Variants in MAP2K4 observed in about 807,000 individuals in gnomAD.
MAP2K4 encodes the protein mitogen-activated protein kinase kinase 4.
MAP2K4 carries 4 observed loss-of-function variants against 48.5 expected under a neutral mutation model. That is an observed-to-expected ratio of 0.08 (90% CI 0.04 to 0.19). The LOEUF (loss-of-function observed/expected upper bound fraction) is 0.19. Among genes scored for constraint, MAP2K4 ranks in the 10% least tolerant of loss-of-function variants. MAP2K4 has a pLI of 1.00. For synonymous variants in MAP2K4, 166 were observed against 173.1 expected (o/e 0.96, Z 0.32); for missense variants, 258 against 493.3 (o/e 0.52, Z 4.52).
At chr17:12,137,768 C>T (rs950708669) in intron 9 of MAP2K4, among the ~76,000 whole-genome samples, 6 of 151,852 alleles carry the variant, frequency 4.0e-5, no homozygotes. Context: ...GTCTCTTTAT[C>T]ATGTAGGATA....
At chr17:12,066,462 CACTTAGTA>C (rs1363225268) in intron 2 of MAP2K4, among the ~76,000 whole-genome samples, 1 of 152,070 alleles carries the variant, frequency 6.6e-6, no homozygotes, top group Non-Finnish European at 1.5e-5. Flanking sequence ...ATTTTTTATT[CACTTAGTA>C]ACTTAGTACA....
chr17:12,128,079 C>T (rs1268300615), intron 8 of MAP2K4, among the ~76,000 whole-genome samples: 1 of 152,104 alleles, frequency 6.6e-6, no homozygotes, highest in Non-Finnish European at 1.5e-5. Flanking sequence ...TGTAGGTTTT[C>T]TTTTCTTTTG....
intron 1 of MAP2K4, among the ~76,000 whole-genome samples, chr17:12,038,862 C>G (rs1205899166): frequency 6.6e-6 from 1 of 152,042 alleles, no homozygotes; most frequent in Non-Finnish European, 1.5e-5. Context: ...CGTTGTAAAC[C>G]TTAGTGTTTT....
chr17:12,083,126 T>C (rs1254374535), intron 3 of MAP2K4, among the ~76,000 whole-genome samples: 1 of 152,252 alleles, frequency 6.6e-6, no homozygotes, highest in African/African-American at 2.4e-5. Flanking sequence ...GTTTGTGTTA[T>C]GTGTGCTTCA....
chr17:12,086,826 T>TTTTTG (rs61021597), intron 3 of MAP2K4, among the ~76,000 whole-genome samples: 10,160 of 150,208 alleles, frequency 0.068, 913 homozygotes, highest in African/African-American at 0.2. Context: ...AAAAACCTGT[T>TTTTTG]TTTTGTTTTG....
At chr17:12,079,971 A>G (rs1971136353) in intron 2 of MAP2K4, among the ~76,000 whole-genome samples, 1 of 152,200 alleles carries the variant, frequency 6.6e-6, no homozygotes, top group Admixed American at 6.5e-5. Context: ...AGGACTTTGA[A>G]CTGAAAAGCA....
At position 12,143,248 on chromosome 17, in the gene MAP2K4, A is replaced by G. The variant is rs1215388789; in HGVS notation, c.*1988A>G. 3 of 233,048 alleles carry G rather than the reference A, an allele frequency of 1.3e-5. No individual in the cohort carries two copies. The highest frequency in any genetic ancestry group is 1.7e-5 in the Non-Finnish European group (2 of 117,606). 14.4% of individuals were successfully genotyped at this position (233,048 alleles called of 1,614,324 possible). ...TGGCTCAGCATAGGGTCACTTTGCC[A>G]TTATGCAAATGGAGATAAAAGCAAT... On this transcript the variant is annotated 3_prime_UTR_variant, in exon 11 of 11. Coordinates refer to ENST00000353533, the MANE Select transcript of MAP2K4 (RefSeq NM_003010.4).
At chr17:12,021,048 C>T in intron 1 of MAP2K4, 47 bp downstream of exon 1, 3 of 1,126,760 alleles carry the variant, frequency 2.7e-6, no homozygotes, top group Non-Finnish European at 3.3e-6. Flanking sequence ...AGCGCGGCAA[C>T]CCGCGTCGTC....
In MAP2K4 at chr17:12,143,765, C is replaced by G. The variant is rs539463944; in HGVS notation, c.*2505C>G. On this transcript the variant is annotated 3_prime_UTR_variant, in exon 11 of 11. Transcript: ENST00000353533. ...TAATTTGATTTTCTGAAATCAGACC[C>G]TGAGAGGGGAAAATCTTAAAGTAAA... 3 of 229,896 alleles carry G rather than the reference C, an allele frequency of 1.3e-5. No homozygotes were observed. In the East Asian group the frequency reaches 1.9e-4, roughly 14 times the overall value. 14.2% of individuals were successfully genotyped at this position (229,896 alleles called of 1,614,324 possible). A position where few individuals can be genotyped will look rare whatever the true frequency, so the allele number is the denominator to read the frequency against.
intron 7 of MAP2K4, among the ~76,000 whole-genome samples, chr17:12,116,599 C>G (rs1314751757): frequency 6.6e-6 from 1 of 152,116 alleles, no homozygotes; most frequent in Non-Finnish European, 1.5e-5. Context: ...TTCCGTAAGG[C>G]TATTCTGTTT....
At chr17:12,065,258 A>ATTAT (rs1555545189) in intron 2 of MAP2K4, among the ~76,000 whole-genome samples, 22 of 136,214 alleles carry the variant, frequency 1.6e-4, no homozygotes, top group Admixed American at 8.2e-4. Context: ...ATATATACAT[A>ATTAT]TATTATTATT....
chr17:12,135,479 GCC>G (rs1973175016), intron 9 of MAP2K4, among the ~76,000 whole-genome samples: 1 of 152,238 alleles, frequency 6.6e-6, no homozygotes, highest in Non-Finnish European at 1.5e-5. Context: ...CGATCCTCCT[GCC>G]TCGGCTTCCC....
intron 2 of MAP2K4, among the ~76,000 whole-genome samples, chr17:12,065,400 G>A (rs1970584859): frequency 6.6e-6 from 1 of 151,252 alleles, no homozygotes; most frequent in Non-Finnish European, 1.5e-5. Context: ...CTGGGTTGAA[G>A]TGATTCTCCT....
At chr17:12,048,758 G>A (rs960228073) in intron 1 of MAP2K4, among the ~76,000 whole-genome samples, 3 of 152,108 alleles carry the variant, frequency 2.0e-5, no homozygotes, top group African/African-American at 7.2e-5. Context: ...CTGGGTTCAA[G>A]CGATTCCATT....
chr17:12,021,101 C>A, intron 1 of MAP2K4, 100 bp downstream of exon 1: 1 of 644,366 alleles, frequency 1.6e-6, no homozygotes. Flanking sequence ...GCTGAGGAAG[C>A]CACGGCAGCC....
Position 12,054,952 on chromosome 17 carries a change from C to T in MAP2K4, c.179C>T (p.Thr60Ile), listed in dbSNP as rs1970241858. Residue 60 changes from threonine (T) to isoleucine (I), a missense_variant, in exon 2 of 11, where the codon ACT (threonine) becomes ATT (isoleucine). Around this residue, in one of 3 missense-constraint regions of MAP2K4, gnomAD observed 132 missense variants for 352.8 expected, o/e 0.37. Coordinates refer to ENST00000353533, the MANE Select transcript of MAP2K4 (RefSeq NM_003010.4). Reference protein sequence around the residue: ...NPPFKSTARFTLNPNPTGVQN... With the variant: ...NPPFKSTARFILNPNPTGVQN... Reference sequence around the variant, plus strand: ...CCTTTCAAATCTACAGCAAGGTTTACTCTGAATCCCAATCCTACAGGAGTT... The same window carrying T: ...CCTTTCAAATCTACAGCAAGGTTTATTCTGAATCCCAATCCTACAGGAGTT... The T allele has an allele frequency of 6.2e-7, 1 of 1,612,162 alleles. No individual in the cohort carries two copies. The highest frequency in any genetic ancestry group is 1.3e-5 in the African/African-American group (1 of 74,860).
chr17:12,072,418 A>T, intron 2 of MAP2K4, among the ~76,000 whole-genome samples: 1 of 152,190 alleles, frequency 6.6e-6, no homozygotes, highest in East Asian at 1.9e-4. Context: ...GACCATGTAT[A>T]TTCTGAATAT....
intron 7 of MAP2K4, 44 bp downstream of exon 7, chr17:12,113,404 A>G (rs543491243): frequency 6.3e-7 from 1 of 1,600,000 alleles, no homozygotes; most frequent in Non-Finnish European, 8.5e-7. Flanking sequence ...GTCATTGCAC[A>G]GAGAGCCTGT....
At chr17:12,050,031 A>G (rs1268952427) in intron 1 of MAP2K4, among the ~76,000 whole-genome samples, 4 of 152,248 alleles carry the variant, frequency 2.6e-5, no homozygotes, top group African/African-American at 9.6e-5. Flanking sequence ...GCTATCAAAT[A>G]TGGTGATATC....
Sources: gnomAD v4.1 joint callset for allele counts (sites outside exome capture counted in the v4.1 genomes callset) on GRCh38, gnomAD v4.1.1 for gene constraint, gnomAD v4.1.1 regional missense constraint, MANE v1.5 for transcripts, NCBI Gene and HGNC (gene_info 2026-07-23, HGNC 2026-07-21) for gene names.